Variants in MGAT4C observed in about 807,000 individuals in gnomAD.
MGAT4C encodes the protein MGAT4 family member C.
Under a neutral mutation model 40.1 loss-of-function variants are expected in MGAT4C, and 19 were observed. The ratio of observed to expected loss-of-function variants is 0.47; its 90% confidence interval spans 0.33 to 0.70. The LOEUF is 0.70. MGAT4C is among the 30% of genes least tolerant of loss of function. The pLI, the probability that MGAT4C is intolerant of heterozygous loss-of-function variation, is 0.02. For missense variants in MGAT4C, 491 were observed against 563.2 expected, an observed-to-expected ratio of 0.87 and a Z score of 1.30; for synonymous variants, 181 against 187.1, an observed-to-expected ratio of 0.97 and a Z score of 0.27.
chr12:86,279,670 T>C (rs1056025225), intron 4 of MGAT4C, among the ~76,000 whole-genome samples: 24 of 151,758 alleles, frequency 1.6e-4, no homozygotes, highest in African/African-American at 5.3e-4. Context: ...TTTTTTTTCT[T>C]CTACTAATTT....
chr12:86,122,557 T>G (rs943458656), intron 1 of MGAT4C, among the ~76,000 whole-genome samples: 2 of 152,168 alleles, frequency 1.3e-5, no homozygotes, highest in African/African-American at 4.8e-5. Context: ...TAAAGTGGTG[T>G]GCAAGCATTT....
chr12:86,772,715 C>T (rs868838201), intron 1 of MGAT4C, among the ~76,000 whole-genome samples: 1 of 152,150 alleles, frequency 6.6e-6, no homozygotes. Flanking sequence ...AGAATTTTCC[C>T]TACTAGCTTT....
At chr12:86,811,504 G>T (rs1952474120) in intron 1 of MGAT4C, among the ~76,000 whole-genome samples, 1 of 150,636 alleles carries the variant, frequency 6.6e-6, no homozygotes, top group Non-Finnish European at 1.5e-5. Context: ...ACCACGCCCA[G>T]CAAATTTTTG....
intron 1 of MGAT4C, among the ~76,000 whole-genome samples, chr12:86,828,574 T>C (rs1010928244): frequency 3.3e-5 from 5 of 151,496 alleles, no homozygotes; most frequent in African/African-American, 1.2e-4. Flanking sequence ...ATGAGTACCA[T>C]CTTCACTCTT....
intron 2 of MGAT4C, among the ~76,000 whole-genome samples, chr12:86,624,288 G>A (rs1364587146): frequency 6.6e-6 from 1 of 152,106 alleles, no homozygotes; most frequent in East Asian, 1.9e-4. Context: ...CATACAGGGA[G>A]CATTGTGTGT....
chr12:86,803,860 A>G (rs888631848), intron 1 of MGAT4C, among the ~76,000 whole-genome samples: 7 of 151,258 alleles, frequency 4.6e-5, no homozygotes, highest in African/African-American at 1.7e-4. Context: ...CAGTGTGGTG[A>G]TTCCTCAGGG....
chr12:86,358,886 T>A (rs1457471853), intron 3 of MGAT4C, among the ~76,000 whole-genome samples: 1 of 152,162 alleles, frequency 6.6e-6, no homozygotes, highest in East Asian at 1.9e-4. Flanking sequence ...TAGGACACTT[T>A]AACACCCCAC....
intron 2 of MGAT4C, among the ~76,000 whole-genome samples, chr12:86,607,462 C>T (rs1962082148): frequency 6.6e-6 from 1 of 151,962 alleles, no homozygotes; most frequent in Non-Finnish European, 1.5e-5. Context: ...TGCCTTATGT[C>T]TCTTTGGTGT....
At chr12:86,092,752 G>A (rs1230791969) in intron 1 of MGAT4C, among the ~76,000 whole-genome samples, 3 of 152,088 alleles carry the variant, frequency 2.0e-5, no homozygotes, top group African/African-American at 7.2e-5. Flanking sequence ...TTAAGTGCCT[G>A]CAGGGCATAG....
chr12:86,416,275 A>G (rs915256380), intron 3 of MGAT4C, among the ~76,000 whole-genome samples: 1 of 152,078 alleles, frequency 6.6e-6, no homozygotes, highest in Admixed American at 6.6e-5. Flanking sequence ...TTCAGGATAA[A>G]TTAACTGTGG....
intron 2 of MGAT4C, among the ~76,000 whole-genome samples, chr12:86,686,664 C>T (rs1303843642): frequency 6.6e-6 from 1 of 152,158 alleles, no homozygotes; most frequent in Non-Finnish European, 1.5e-5. Context: ...TTGAACCAGC[C>T]TTGCATCCCA....
intron 2 of MGAT4C, among the ~76,000 whole-genome samples, chr12:86,045,499 G>A (rs1337282274): frequency 6.6e-6 from 1 of 152,092 alleles, no homozygotes; most frequent in Non-Finnish European, 1.5e-5. Flanking sequence ...CCTCTTAATG[G>A]TGTGATTATC....
intron 1 of MGAT4C, among the ~76,000 whole-genome samples, chr12:86,175,170 C>T (rs528558499): frequency 8.6e-5 from 13 of 151,972 alleles, no homozygotes; most frequent in Admixed American, 6.6e-4. Flanking sequence ...TAGAAATGTA[C>T]GATATAATCA....
chr12:86,672,943 A>ATT (rs1964297599), intron 2 of MGAT4C, among the ~76,000 whole-genome samples: 1 of 152,132 alleles, frequency 6.6e-6, no homozygotes, highest in African/African-American at 2.4e-5. Flanking sequence ...AGAAAGAAAA[A>ATT]TAAAGCAATC....
At chr12:86,315,532 C>T (rs1954189662) in intron 4 of MGAT4C, among the ~76,000 whole-genome samples, 1 of 113,952 alleles carries the variant, frequency 8.8e-6, no homozygotes, top group Admixed American at 1.0e-4. Context: ...GAAACCCCGT[C>T]TCTACTAAAA....
intron 2 of MGAT4C, among the ~76,000 whole-genome samples, chr12:86,610,756 C>G (rs1268185821): frequency 6.9e-6 from 1 of 144,206 alleles, no homozygotes. Flanking sequence ...CCCCACCCCA[C>G]AGCAGTCCCC....
intron 2 of MGAT4C, among the ~76,000 whole-genome samples, chr12:86,592,540 G>A (rs1961371987): frequency 6.6e-6 from 1 of 152,058 alleles, no homozygotes; most frequent in Admixed American, 6.6e-5. Flanking sequence ...CTTCCTATAG[G>A]TTTCTAATCA....
At chr12:86,802,527 T>A (rs545711110) in intron 1 of MGAT4C, among the ~76,000 whole-genome samples, 1 of 152,134 alleles carries the variant, frequency 6.6e-6, no homozygotes, top group South Asian at 2.1e-4. Flanking sequence ...TCAAAAATAA[T>A]AATGCTATTC....
intron 1 of MGAT4C, among the ~76,000 whole-genome samples, chr12:86,151,340 C>T (rs1302294670): frequency 4.6e-5 from 7 of 152,036 alleles, no homozygotes; most frequent in African/African-American, 1.7e-4. Flanking sequence ...TGGCCGGGCG[C>T]GGTGGCTCAC....
Sources: gnomAD v4.1 joint callset for allele counts (sites outside exome capture counted in the v4.1 genomes callset) on GRCh38, gnomAD v4.1.1 for gene constraint, MANE v1.5 for transcripts, NCBI Gene and HGNC (gene_info 2026-07-23, HGNC 2026-07-21) for gene names.